The following UBE2V2 variants were observed in gnomAD, a reference collection of about 807,000 sequenced individuals.
UBE2V2 encodes ubiquitin-conjugating enzyme E2 variant 2.
In UBE2V2, 9 loss-of-function variants were observed where a neutral mutation model predicts 17.2. The ratio of observed to expected loss-of-function variants is 0.52; its 90% CI spans 0.32 to 0.91. The LOEUF (loss-of-function observed/expected upper bound fraction) is 0.91. UBE2V2 is among the 40% of genes least tolerant of loss of function. The pLI is 0.04. For synonymous variants in UBE2V2, 61 were observed against 57.5 expected (o/e 1.06, Z -0.28); for missense variants, 133 against 182.6 (o/e 0.73, Z 1.56).
upstream of UBE2V2, among the ~76,000 whole-genome samples, chr8:48,005,032 T>A (rs1015424275): frequency 6.6e-6 from 1 of 151,692 alleles, no homozygotes; most frequent in African/African-American, 2.4e-5. Context: ...CTTTTTTTTT[T>A]TTTTTAATTT....
At position 48,038,687 on chromosome 8, in the gene UBE2V2, G is replaced by C. The variant is rs542279005; in HGVS notation, c.17-4346G>C. ...GTAGAGATGGGGTTTCACCATGTTG[G>C]CCAGGCTGGTCTCGAACTCCTGACC... On this transcript the variant is annotated intron_variant, in intron 1 of 3. Transcript: ENST00000523111. Among the ~76,000 whole-genome samples the C allele has an allele frequency of 2.0e-5, 3 of 152,082 alleles. No homozygotes were observed. In the East Asian group the frequency reaches 5.8e-4, roughly 29 times the overall value.
chr8:48,008,296 C>A, upstream of UBE2V2: 1 of 902,238 alleles, frequency 1.1e-6, no homozygotes, highest in Non-Finnish European at 1.5e-6. Context: ...GCAGCGAGGC[C>A]CCGCGACCCC....
chr8:48,041,781 T>A (rs2091465769), intron 1 of UBE2V2: 1 of 152,074 alleles, frequency 6.6e-6, no homozygotes, highest in African/African-American at 2.4e-5. Flanking sequence ...CACACTTTAC[T>A]TGTGTAAACA....
In UBE2V2 at chr8:48,026,898, C is replaced by T. The variant is rs189069734; in HGVS notation, c.17-16135C>T. 9.2e-5 allele frequency among the ~76,000 whole-genome samples: 14 copies of T among 152,292 alleles called. No individual in the cohort carries two copies. In the East Asian group the frequency reaches 2.1e-3, roughly 23 times the overall value. Reference sequence around the variant, plus strand: ...TTATGTACACGTTCCACCCCCGCCCCGCTTGAGTAGATACCTAGGAGTGGA... The same window carrying T: ...TTATGTACACGTTCCACCCCCGCCCTGCTTGAGTAGATACCTAGGAGTGGA... On this transcript the variant is annotated intron_variant, in intron 1 of 3. Coordinates refer to ENST00000523111, the MANE Select transcript of UBE2V2 (RefSeq NM_003350.3).
upstream of UBE2V2, chr8:48,008,375 T>A (rs752134740): frequency 1.3e-6 from 2 of 1,529,188 alleles, no homozygotes; most frequent in Non-Finnish European, 1.7e-6. Context: ...CTGTGACGCG[T>A]GCAGGGCGGC....
Position 48,049,884 on chromosome 8 carries a change from A to C in UBE2V2, c.197A>C (p.Lys66Thr), listed in dbSNP as rs1297247937. 1.3e-6 allele frequency: 2 copies of C among 1,594,374 alleles called. No individual in the cohort carries two copies. Among genetic ancestry groups the C allele is most frequent in the Non-Finnish European group, 1.7e-6 (2 of 1,173,912 alleles). The part of the protein sequence containing the change: ...TNYENRIYSL[K>T]VECGPKYPEA... ...TATGAAAACAGAATATATAGCCTGAAAGTAGAATGTGGACCTAAATACCCA... is the reference window on the plus strand; with the variant it reads ...TATGAAAACAGAATATATAGCCTGACAGTAGAATGTGGACCTAAATACCCA... Residue 66 changes from lysine to threonine, a missense_variant, in exon 3 of 4, where the codon AAA (lysine) becomes ACA (threonine). By Grantham distance (78) the Lys-to-Thr change is moderately conservative. Around this residue, in one of 3 missense-constraint regions of UBE2V2, gnomAD observed 92 missense variants for 124.3 expected, o/e 0.74. Coordinates refer to ENST00000523111, the MANE Select transcript of UBE2V2 (RefSeq NM_003350.3).
chr8:48,043,437 T>G (rs902942565), intron 2 of UBE2V2: 1 of 264,864 alleles, frequency 3.8e-6, no homozygotes, highest in East Asian at 6.7e-5. Context: ...TCAGTACAAA[T>G]GACAGATTCT....
At chr8:48,041,311 A>G (rs1455951116) in intron 1 of UBE2V2, among the ~76,000 whole-genome samples, 1 of 151,546 alleles carries the variant, frequency 6.6e-6, no homozygotes, top group African/African-American at 2.4e-5. Flanking sequence ...GTGAAACTCC[A>G]TCTTTACTAA....
chr8:48,014,494 A>T (rs2091254551), intron 1 of UBE2V2, among the ~76,000 whole-genome samples: 1 of 151,588 alleles, frequency 6.6e-6, no homozygotes, highest in Non-Finnish European at 1.5e-5. Flanking sequence ...AAATACAAAA[A>T]ATTAGCCGAG....
intron 1 of UBE2V2, 193 bp from the exon 2 acceptor site, chr8:48,042,840 G>T (rs779832636): frequency 2.6e-5 from 12 of 458,254 alleles, no homozygotes; most frequent in African/African-American, 3.9e-5. Flanking sequence ...GTTTGGTACA[G>T]TGCTTTCTTT....
rs1381691564 is a variant in UBE2V2, at chr8:48,022,390, CCT to C, written c.16+13924_16+13925del. On this transcript the variant is annotated intron_variant, in intron 1 of 3. Coordinates refer to ENST00000523111, the MANE Select transcript of UBE2V2 (RefSeq NM_003350.3). The stretch of plus-strand genomic sequence containing the variant: ...ACCTCAGGTAATCCACCTGCCTTGG[CCT>C]CTCAAAGTGCTGGGATTACAGGCAT... 2.0e-5 allele frequency among the ~76,000 whole-genome samples: 3 copies of C among 152,262 alleles called. No homozygotes were observed. The South Asian group carries it at 6.2e-4, about 32-fold the overall frequency.
intron 1 of UBE2V2, among the ~76,000 whole-genome samples, chr8:48,033,744 G>A (rs2091400648): frequency 1.3e-5 from 2 of 151,916 alleles, no homozygotes; most frequent in African/African-American, 4.8e-5. Flanking sequence ...GATCACTTGA[G>A]CCCAGGAGTT....
intron 1 of UBE2V2, among the ~76,000 whole-genome samples, chr8:48,015,798 T>C (rs115611045): frequency 3.2e-4 from 48 of 152,292 alleles, no homozygotes; most frequent in African/African-American, 1.1e-3. Context: ...GGTTCATCCA[T>C]GTTGTTGGAA....
At chr8:48,039,407 G>A (rs1056088553) in intron 1 of UBE2V2, among the ~76,000 whole-genome samples, 2 of 152,116 alleles carry the variant, frequency 1.3e-5, no homozygotes, top group Admixed American at 1.3e-4. Flanking sequence ...AGAATAAGCC[G>A]TTATGATTCC....
At chr8:48,037,017 A>T (rs1056459073) in intron 1 of UBE2V2, among the ~76,000 whole-genome samples, 1 of 152,134 alleles carries the variant, frequency 6.6e-6, no homozygotes, top group Admixed American at 6.5e-5. Flanking sequence ...CGTCTCTACT[A>T]AAAATACAAA....
At chr8:48,046,180 C>T (rs1023420719) in intron 2 of UBE2V2, among the ~76,000 whole-genome samples, 7 of 152,030 alleles carry the variant, frequency 4.6e-5, no homozygotes, top group East Asian at 1.9e-4. Context: ...AGTGCAGTGG[C>T]GCCATCTCGG....
rs577590329 is a variant in UBE2V2, at chr8:48,019,001, C to T, written c.16+10531C>T. ...ATCCCAGCACTTTGGGAGGCCGAGGCGGGCGGATCACTTGAGATCAGGAGT... is the reference window on the plus strand; with the variant it reads ...ATCCCAGCACTTTGGGAGGCCGAGGTGGGCGGATCACTTGAGATCAGGAGT... On this transcript the variant is annotated intron_variant, in intron 1 of 3. Transcript: ENST00000523111. Among the ~76,000 whole-genome samples, 316 of 152,094 alleles carry T rather than the reference C, an allele frequency of 2.1e-3. 3 individuals carry two copies. The highest frequency in any genetic ancestry group is 5.4e-4 in the Non-Finnish European group (37 of 68,004).
At chr8:48,003,030 T>G in the UBE2V2 span, among the ~76,000 whole-genome samples, 2 of 151,922 alleles carry the variant, frequency 1.3e-5, no homozygotes, top group African/African-American at 4.8e-5. Context: ...GCCAACATGG[T>G]GAAACCCCGT....
chr8:48,046,244 C>T (rs1157593358), intron 2 of UBE2V2, among the ~76,000 whole-genome samples: 8 of 152,118 alleles, frequency 5.3e-5, no homozygotes, highest in Non-Finnish European at 8.8e-5. Flanking sequence ...CTTAGCCTCC[C>T]GAGTAGTGGG....
Sources: gnomAD v4.1 joint callset for allele counts (sites outside exome capture counted in the v4.1 genomes callset) on GRCh38, gnomAD v4.1.1 for gene constraint, gnomAD v4.1.1 regional missense constraint, MANE v1.5 for transcripts, NCBI Gene and HGNC (gene_info 2026-07-23, HGNC 2026-07-21) for gene names.